AFF3: variants seen among roughly 807,000 people sequenced by gnomAD.
The protein encoded by AFF3 is AF4/FMR2 family member 3.
In AFF3, 32 loss-of-function variants were observed where a neutral mutation model predicts 129.7. The observed-to-expected ratio is 0.25, with a 90% CI of 0.19 to 0.33. AFF3 has a LOEUF of 0.33. AFF3 is among the 10% of genes least tolerant of loss of function. The probability of loss-of-function intolerance (pLI) is 1.00; values close to 1 mark genes in which losing one functional copy is unlikely to be tolerated. For missense variants in AFF3, 1,373 were observed against 1,592.0 expected, an observed-to-expected ratio of 0.86 and a Z score of 2.34; for synonymous variants, 644 against 635.4, an observed-to-expected ratio of 1.01 and a Z score of -0.20.
At chr2:99,633,012 C>T (rs1049950293) in intron 13 of AFF3, among the ~76,000 whole-genome samples, 4 of 152,020 alleles carry the variant, frequency 2.6e-5, no homozygotes, top group Admixed American at 6.6e-5. Context: ...CGAATCATGT[C>T]GCTTTTTGTT....
chr2:99,938,060 C>T (rs1056394854), intron 7 of AFF3, among the ~76,000 whole-genome samples: 4 of 152,112 alleles, frequency 2.6e-5, no homozygotes, highest in Non-Finnish European at 4.4e-5. Flanking sequence ...CTTCTCAGAG[C>T]CTCAGCTTTC....
At chr2:99,947,863 C>A (rs1247139822) in intron 7 of AFF3, among the ~76,000 whole-genome samples, 1 of 152,074 alleles carries the variant, frequency 6.6e-6, no homozygotes, top group Admixed American at 6.5e-5. Context: ...CCATGGGCAA[C>A]ACTGAGACAT....
At chr2:99,988,813 A>C (rs1680096024) in intron 7 of AFF3, among the ~76,000 whole-genome samples, 1 of 152,148 alleles carries the variant, frequency 6.6e-6, no homozygotes, top group Non-Finnish European at 1.5e-5. Flanking sequence ...GAGCTATTGG[A>C]GCATGAATGT....
intron 18 of AFF3, among the ~76,000 whole-genome samples, chr2:99,571,889 T>C (rs964098604): frequency 1.3e-5 from 2 of 152,148 alleles, no homozygotes; most frequent in South Asian, 4.1e-4. Flanking sequence ...AAAAGTAAAA[T>C]TGCTTGTCAC....
intron 8 of AFF3, among the ~76,000 whole-genome samples, chr2:99,788,895 A>G (rs1223344355): frequency 6.6e-6 from 1 of 152,160 alleles, no homozygotes; most frequent in Non-Finnish European, 1.5e-5. Flanking sequence ...ATATATAGTT[A>G]TCATTGTGGC....
chr2:99,622,810 C>CA (rs1226276530), intron 13 of AFF3, among the ~76,000 whole-genome samples: 1 of 152,248 alleles, frequency 6.6e-6, no homozygotes, highest in Non-Finnish European at 1.5e-5. Context: ...ACCATGGGGT[C>CA]AGTGGATGCA....
chr2:99,572,567 C>T (rs1676600820), intron 18 of AFF3: 1 of 455,386 alleles, frequency 2.2e-6, no homozygotes, highest in Non-Finnish European at 4.4e-6. Context: ...CAACAAGTTC[C>T]TCGGCGCGGC....
chr2:99,937,646 C>G (rs1674648121), intron 7 of AFF3, among the ~76,000 whole-genome samples: 1 of 152,192 alleles, frequency 6.6e-6, no homozygotes, highest in Admixed American at 6.5e-5. Flanking sequence ...ATCCGCCCGC[C>G]TCGGCCTCCC....
intron 4 of AFF3, among the ~76,000 whole-genome samples, chr2:100,087,374 GAGGACTA>G (rs935313118): frequency 6.6e-6 from 1 of 152,006 alleles, no homozygotes; most frequent in Non-Finnish European, 1.5e-5. Flanking sequence ...TTACTCATTA[GAGGACTA>G]AGCTAAAAAA....
intron 10 of AFF3, among the ~76,000 whole-genome samples, 195 bp from the exon 11 acceptor site, chr2:99,727,323 A>T (rs1679440526): frequency 6.6e-6 from 1 of 152,224 alleles, no homozygotes; most frequent in African/African-American, 2.4e-5. Flanking sequence ...CTGCCCAGGC[A>T]CAAATCTGTG....
At chr2:99,612,483 T>G (rs1271542433) in intron 13 of AFF3, among the ~76,000 whole-genome samples, 1 of 152,164 alleles carries the variant, frequency 6.6e-6, no homozygotes, top group Non-Finnish European at 1.5e-5. Context: ...GTGAGAAAAA[T>G]GACTCAAATG....
At chr2:99,905,492 CTTG>C (rs1365532580) in intron 7 of AFF3, among the ~76,000 whole-genome samples, 1 of 152,162 alleles carries the variant, frequency 6.6e-6, no homozygotes, top group African/African-American at 2.4e-5. Context: ...AGTTTCTTCT[CTTG>C]TTGTTTCAGA....
At chr2:99,984,509 A>T (rs968238968) in intron 7 of AFF3, among the ~76,000 whole-genome samples, 1 of 152,192 alleles carries the variant, frequency 6.6e-6, no homozygotes, top group Non-Finnish European at 1.5e-5. Context: ...AGATCATCTA[A>T]ATGTGTTTTT....
intron 11 of AFF3, among the ~76,000 whole-genome samples, chr2:99,717,282 G>A (rs999442901): frequency 1.1e-4 from 17 of 152,182 alleles, no homozygotes; most frequent in African/African-American, 4.1e-4. Flanking sequence ...ATAAATGTGT[G>A]TTCATTTATA....
intron 7 of AFF3, among the ~76,000 whole-genome samples, chr2:99,922,363 A>G (rs773165155): frequency 9.2e-5 from 14 of 152,250 alleles, no homozygotes; most frequent in Non-Finnish European, 1.8e-4. Flanking sequence ...CTTTATTTAT[A>G]TAGAAGATTA....
intron 7 of AFF3, among the ~76,000 whole-genome samples, chr2:99,868,813 G>C (rs1460074596): frequency 1.3e-5 from 2 of 152,248 alleles, no homozygotes; most frequent in East Asian, 3.9e-4. Context: ...CTGTTTTAGA[G>C]ATAGGGTCTC....
chr2:99,573,365 T>C (rs919901817), intron 18 of AFF3, among the ~76,000 whole-genome samples: 4 of 152,142 alleles, frequency 2.6e-5, no homozygotes, highest in African/African-American at 9.7e-5. Flanking sequence ...AGAAATTCCA[T>C]ATGAAGACCA....
At chr2:99,995,395 C>T (rs1050705307) in intron 7 of AFF3, among the ~76,000 whole-genome samples, 2 of 150,290 alleles carry the variant, frequency 1.3e-5, no homozygotes, top group Non-Finnish European at 3.0e-5. Flanking sequence ...TTTTTTGAGA[C>T]GGAGTCTTGC....
chr2:99,909,276 G>T (rs1220679701), intron 7 of AFF3, among the ~76,000 whole-genome samples: 1 of 146,634 alleles, frequency 6.8e-6, no homozygotes, highest in Non-Finnish European at 1.5e-5. Context: ...TCATAGGTGG[G>T]AATTGAACAA....
Sources: allele counts gnomAD v4.1 joint callset (sites outside exome capture counted in the v4.1 genomes callset), GRCh38; gene constraint gnomAD v4.1.1; transcripts MANE v1.5; gene names NCBI Gene and HGNC (gene_info 2026-07-23, HGNC 2026-07-21).